The following CPVL variants were observed in gnomAD, a reference collection of about 807,000 sequenced individuals.
CPVL encodes the protein probable serine carboxypeptidase CPVL.
A neutral mutation model predicts 63.7 loss-of-function variants in CPVL; 51 were observed. That is an observed-to-expected ratio of 0.80 (90% CI 0.64 to 1.01). The LOEUF (loss-of-function observed/expected upper bound fraction) is 1.01, where lower values mean the gene tolerates loss of function less well. Ranked by LOEUF, CPVL falls within the 50% of genes least tolerant of loss-of-function variation. The pLI is 0.00. For missense variants in CPVL, 530 were observed against 573.1 expected (o/e 0.92, Z 0.77); for synonymous variants, 195 against 206.0 (o/e 0.95, Z 0.46).
chr7:29,182,086 C>A (rs1798130631), intron 4 of CPVL, among the ~76,000 whole-genome samples: 2 of 152,110 alleles, frequency 1.3e-5, no homozygotes, highest in Non-Finnish European at 2.9e-5. Flanking sequence ...TTTAAAAAGA[C>A]AATATTCCTT....
chr7:29,030,423 C>T (rs577937462), intron 12 of CPVL, among the ~76,000 whole-genome samples, 154 bp downstream of exon 12: 1 of 152,232 alleles, frequency 6.6e-6, no homozygotes, highest in African/African-American at 2.4e-5. Context: ...GAACTCAGAC[C>T]ACTCTTCTCT....
chr7:29,084,267 GC>G (rs1357205110), intron 7 of CPVL, among the ~76,000 whole-genome samples: 4 of 152,134 alleles, frequency 2.6e-5, no homozygotes, highest in African/African-American at 9.7e-5. Context: ...GCAGCTCTGT[GC>G]TTTTCCTTGA....
intron 12 of CPVL, among the ~76,000 whole-genome samples, chr7:29,022,200 C>A (rs317737): frequency 0.16 from 24,160 of 152,124 alleles, 1,966 homozygotes; most frequent in Middle Eastern, 0.23. Context: ...GCCCATCTAG[C>A]CTGCCTCTTG....
intron 12 of CPVL, among the ~76,000 whole-genome samples, chr7:29,006,925 C>CTTTG (rs5883180): frequency 0.84 from 127,544 of 151,912 alleles, 54,274 homozygotes; most frequent in African/African-American, 0.96. Context: ...TTATTTCTTG[C>CTTTG]TTTAACATCC....
At chr7:29,195,250 G>C in exon 1 of CPVL, 1 of 417,774 alleles carries the variant, frequency 2.4e-6, no homozygotes, top group Non-Finnish European at 4.2e-6. Flanking sequence ...GGGGCTTGGA[G>C]TGCAGCGAGC....
chr7:28,995,938 A>T (rs10228797), intron 12 of CPVL, 56 bp from the exon 13 acceptor site: 3 of 1,002,954 alleles, frequency 3.0e-6, no homozygotes, highest in Non-Finnish European at 1.5e-6. Context: ...TTCTAAATAC[A>T]TGGAAAGTTT....
At chr7:29,060,668 G>A (rs1168053354) in intron 11 of CPVL, among the ~76,000 whole-genome samples, 1 of 152,186 alleles carries the variant, frequency 6.6e-6, no homozygotes, top group Non-Finnish European at 1.5e-5. Context: ...AGTTTACAGA[G>A]AAGCTAATTT....
intron 7 of CPVL, chr7:29,080,379 G>A (rs1384237661): frequency 6.6e-6 from 1 of 152,010 alleles, no homozygotes; most frequent in African/African-American, 2.4e-5. Context: ...CCAACATAGT[G>A]AAACCCCATC....
At chr7:29,165,499 T>C (rs1364927961) in intron 5 of CPVL, among the ~76,000 whole-genome samples, 1 of 152,204 alleles carries the variant, frequency 6.6e-6, no homozygotes, top group Admixed American at 6.5e-5. Context: ...TGTCTGTTAA[T>C]AGAGACTGCT....
At chr7:29,061,362 G>A (rs571137759) in intron 11 of CPVL, among the ~76,000 whole-genome samples, 7 of 151,916 alleles carry the variant, frequency 4.6e-5, no homozygotes, top group Admixed American at 1.3e-4. Flanking sequence ...GCAGTGAGCC[G>A]AGATCGTGCC....
chr7:29,087,189 G>A (rs1374008617), intron 6 of CPVL, among the ~76,000 whole-genome samples: 2 of 152,130 alleles, frequency 1.3e-5, no homozygotes, highest in African/African-American at 4.8e-5. Context: ...ACTTTGGGAG[G>A]CTAAGGTGGG....
chr7:29,165,480 C>T (rs1795791950), intron 5 of CPVL, among the ~76,000 whole-genome samples: 1 of 152,108 alleles, frequency 6.6e-6, no homozygotes, highest in Non-Finnish European at 1.5e-5. Context: ...GAATTTTCCA[C>T]AGTCATGTTG....
intron 5 of CPVL, among the ~76,000 whole-genome samples, chr7:29,157,216 C>A (rs1222888580): frequency 6.6e-6 from 1 of 152,196 alleles, no homozygotes; most frequent in African/African-American, 2.4e-5. Flanking sequence ...GCTACCCACA[C>A]CTCTGAGTGG....
rs1787938235 is a variant in CPVL, at chr7:29,030,696, T to C, written c.1201A>G (p.Met401Val). 6.2e-7 allele frequency: 1 copy of C among 1,613,726 alleles called. No individual in the cohort carries two copies. Among genetic ancestry groups the C allele is most frequent in the Non-Finnish European group, 8.5e-7 (1 of 1,179,890 alleles). The change falls in exon 12 of 13, where the codon ATG becomes GTG. Residue 401 changes from methionine (M) to valine (V), a missense_variant. Physicochemically the swap from Met to Val is conservative, Grantham distance 21. Transcript: ENST00000265394. ...VAAALTERSL[M>V]GMDWKGSQEY... is the part of the protein sequence containing the mutation. ...TGGGATCCTTTCCAGTCCATGCCCATCAAGGAGCGCTCTGTCAGGGCAGCT... is the reference window on the plus strand; with the variant it reads ...TGGGATCCTTTCCAGTCCATGCCCACCAAGGAGCGCTCTGTCAGGGCAGCT...
chr7:29,097,683 T>A (rs1786580120), intron 3 of CPVL, among the ~76,000 whole-genome samples: 1 of 151,866 alleles, frequency 6.6e-6, no homozygotes, highest in Non-Finnish European at 1.5e-5. Context: ...GCAACAAGAG[T>A]GAAACTCTGT....
exon 1 of CPVL, chr7:29,195,167 C>G: frequency 1.8e-6 from 1 of 556,694 alleles, no homozygotes; most frequent in Non-Finnish European, 3.0e-6. Flanking sequence ...CCCAGAGCAC[C>G]TCCGCGCCTG....
chr7:29,026,234 G>C (rs933640031), intron 12 of CPVL, among the ~76,000 whole-genome samples: 1 of 151,916 alleles, frequency 6.6e-6, no homozygotes, highest in Non-Finnish European at 1.5e-5. Context: ...AATCAATTAA[G>C]AAATCAAGAA....
intron 5 of CPVL, among the ~76,000 whole-genome samples, chr7:29,160,535 C>G (rs1012153109): frequency 6.6e-6 from 1 of 152,148 alleles, no homozygotes; most frequent in Non-Finnish European, 1.5e-5. Context: ...CAGTCCTGGT[C>G]AGTGAAATAT....
At chr7:29,166,697 A>G (rs1253192613) in intron 5 of CPVL, among the ~76,000 whole-genome samples, 1 of 152,046 alleles carries the variant, frequency 6.6e-6, no homozygotes, top group Non-Finnish European at 1.5e-5. Flanking sequence ...CTACAACTGT[A>G]TTGGTATCCT....
Sources: gnomAD v4.1 joint callset for allele counts (sites outside exome capture counted in the v4.1 genomes callset) on GRCh38, gnomAD v4.1.1 for gene constraint, MANE v1.5 for transcripts, NCBI Gene and HGNC (gene_info 2026-07-23, HGNC 2026-07-21) for gene names.